Variants in LRP1B observed in about 807,000 individuals in gnomAD.
LRP1B encodes the protein LDL receptor related protein 1B, also known as low-density lipoprotein receptor-related protein 1B.
In LRP1B, 217 loss-of-function variants were observed where a neutral mutation model predicts 556.6. That is an observed-to-expected ratio of 0.39 (90% confidence interval 0.35 to 0.44). The LOEUF is 0.44. LRP1B is among the 20% of genes least tolerant of loss of function. LRP1B has a pLI of 1.00. For synonymous variants in LRP1B, 2,047 were observed against 1,865.8 expected, an observed-to-expected ratio of 1.10 and a Z score of -2.50; for missense variants, 5,053 against 5,620.8, an observed-to-expected ratio of 0.90 and a Z score of 3.23.
At position 140,252,003 on chromosome 2, in the gene LRP1B, C is replaced by CATGT. The variant is rs1197781761; in HGVS notation, c.13248-4845_13248-4842dup. Among the ~76,000 whole-genome samples the CATGT allele has an allele frequency of 9.6e-5, 12 of 125,026 alleles. No individual in the cohort carries two copies. The East Asian group carries it at 3.2e-3, about 33-fold the overall frequency. 82.0% of individuals were successfully genotyped at this position (125,026 alleles called of 152,430 possible). On this transcript the variant is annotated intron_variant, in intron 86 of 90. Coordinates refer to ENST00000389484, the MANE Select transcript of LRP1B (RefSeq NM_018557.3). Reference sequence around the variant, plus strand: ...TTTCTCACTTGAAAGGTCTACACTCCATGTATCCCCTGAGTCTTTTATACT... The same window carrying CATGT: ...TTTCTCACTTGAAAGGTCTACACTCCATGTATGTATCCCCTGAGTCTTTTATACT...
At chr2:141,681,981 C>G (rs1173267512) in intron 2 of LRP1B, among the ~76,000 whole-genome samples, 2 of 152,124 alleles carry the variant, frequency 1.3e-5, no homozygotes, top group Non-Finnish European at 2.9e-5. Context: ...ATATCACTGT[C>G]TTTGTACTCT....
chr2:140,324,340 T>C (rs912882210), intron 80 of LRP1B, among the ~76,000 whole-genome samples: 12 of 152,000 alleles, frequency 7.9e-5, no homozygotes, highest in Non-Finnish European at 2.9e-5. Context: ...TGGGGGTTAT[T>C]ATTTGCAGAC....
intron 2 of LRP1B, among the ~76,000 whole-genome samples, chr2:141,752,234 A>C (rs557924439): frequency 1.3e-5 from 2 of 152,152 alleles, no homozygotes; most frequent in African/African-American, 4.8e-5. Context: ...TGCTGTAGTT[A>C]CAAATGCATT....
chr2:141,345,102 C>T (rs546400630), intron 3 of LRP1B, among the ~76,000 whole-genome samples: 1 of 139,300 alleles, frequency 7.2e-6, no homozygotes, highest in African/African-American at 2.8e-5. Context: ...ACTTGACTGG[C>T]CATTGCTGGC....
chr2:140,863,273 A>T (rs536165555), intron 27 of LRP1B, among the ~76,000 whole-genome samples: 12 of 152,218 alleles, frequency 7.9e-5, no homozygotes, highest in Middle Eastern at 3.4e-3. Flanking sequence ...CTATCATGCA[A>T]ATCTGTTCTT....
At chr2:141,557,405 G>A (rs1285737637) in intron 2 of LRP1B, among the ~76,000 whole-genome samples, 2 of 151,850 alleles carry the variant, frequency 1.3e-5, no homozygotes, top group Non-Finnish European at 2.9e-5. Context: ...GAAAACCTTG[G>A]GTGGTGAAAT....
intron 16 of LRP1B, among the ~76,000 whole-genome samples, chr2:140,992,146 G>A (rs753706640): frequency 3.4e-4 from 51 of 151,460 alleles, no homozygotes; most frequent in Non-Finnish European, 7.1e-4. Flanking sequence ...TTGACAGGAA[G>A]TAAACATAAA....
intron 6 of LRP1B, among the ~76,000 whole-genome samples, chr2:141,197,779 T>G (rs1245311758): frequency 6.6e-6 from 1 of 152,060 alleles, no homozygotes; most frequent in Non-Finnish European, 1.5e-5. Flanking sequence ...ACTCACCACC[T>G]TTCTTTAGTC....
chr2:140,669,688 A>G (rs1326393529), intron 41 of LRP1B, among the ~76,000 whole-genome samples: 3 of 152,048 alleles, frequency 2.0e-5, no homozygotes, highest in Non-Finnish European at 4.4e-5. Context: ...TTCCCAGTCT[A>G]CCATGGGATT....
chr2:140,715,932 T>A (rs2105461010), intron 37 of LRP1B, 41 bp downstream of exon 37: 1 of 1,454,930 alleles, frequency 6.9e-7, no homozygotes, highest in Non-Finnish European at 9.2e-7. Flanking sequence ...CTTAGAAAAC[T>A]CACATAAAAC....
At chr2:140,759,403 C>G (rs1688844195) in intron 35 of LRP1B, among the ~76,000 whole-genome samples, 1 of 152,088 alleles carries the variant, frequency 6.6e-6, no homozygotes, top group African/African-American at 2.4e-5. Flanking sequence ...CAGTTTTCTC[C>G]TACTCAATCT....
chr2:140,770,701 T>C (rs555108190), intron 34 of LRP1B, among the ~76,000 whole-genome samples, 180 bp downstream of exon 34: 2 of 152,234 alleles, frequency 1.3e-5, no homozygotes, highest in African/African-American at 2.4e-5. Flanking sequence ...AGAACAATGA[T>C]ATTTTAAATA....
At chr2:140,599,790 C>T (rs1682583541) in intron 42 of LRP1B, among the ~76,000 whole-genome samples, 1 of 152,030 alleles carries the variant, frequency 6.6e-6, no homozygotes, top group Admixed American at 6.6e-5. Context: ...TTCCCCCCTT[C>T]ATTTCACAGG....
chr2:140,626,767 A>C (rs1357378523), intron 41 of LRP1B, among the ~76,000 whole-genome samples: 1 of 151,554 alleles, frequency 6.6e-6, no homozygotes, highest in Non-Finnish European at 1.5e-5. Flanking sequence ...AATATATCCA[A>C]AATATTCAAT....
chr2:141,630,580 G>A (rs1349244841), intron 2 of LRP1B, among the ~76,000 whole-genome samples: 1 of 152,200 alleles, frequency 6.6e-6, no homozygotes, highest in African/African-American at 2.4e-5. Flanking sequence ...GCTATAGTGA[G>A]TCATGCTGTA....
rs147869479 is a variant in LRP1B at position 141,566,609 on chromosome 2, T to C, written c.206-86076A>G. On this transcript the variant is annotated intron_variant, in intron 2 of 90. Coordinates refer to ENST00000389484, the MANE Select transcript of LRP1B (RefSeq NM_018557.3). ...GTGAAACGTGACTATCTAATAAATA[T>C]AAAATCTCCAACCTCTCTTTGTTTT... is the stretch of plus-strand genomic sequence containing the variant. 2.0e-3 allele frequency among the ~76,000 whole-genome samples: 301 copies of C among 152,296 alleles called. 1 individual carries two copies. The highest frequency in any genetic ancestry group is 3.3e-3 in the Non-Finnish European group (225 of 68,016).
intron 2 of LRP1B, among the ~76,000 whole-genome samples, chr2:141,754,965 A>AT (rs1694264027): frequency 1.3e-5 from 2 of 152,054 alleles, no homozygotes; most frequent in African/African-American, 4.8e-5. Context: ...TTATTTTGAT[A>AT]TAAGATAACC....
chr2:140,537,499 G>C (rs1679963633), intron 45 of LRP1B, among the ~76,000 whole-genome samples: 1 of 151,876 alleles, frequency 6.6e-6, no homozygotes, highest in Admixed American at 6.6e-5. Context: ...TATTAGAATT[G>C]TTAAAATAAG....
chr2:140,932,384 C>T (rs1695075467), intron 20 of LRP1B, among the ~76,000 whole-genome samples: 2 of 151,984 alleles, frequency 1.3e-5, no homozygotes, highest in Non-Finnish European at 2.9e-5. Context: ...TTATTGGAAC[C>T]CTGACACACT....
Sources: gnomAD v4.1 joint callset for allele counts (sites outside exome capture counted in the v4.1 genomes callset) on GRCh38, gnomAD v4.1.1 for gene constraint, MANE v1.5 for transcripts, NCBI Gene and HGNC (gene_info 2026-07-23, HGNC 2026-07-21) for gene names.